ANXA11: variants seen among roughly 807,000 people sequenced by gnomAD.
The protein encoded by ANXA11 is annexin A11.
In ANXA11, 57 loss-of-function variants were observed where a neutral mutation model predicts 64.7. That is an observed-to-expected ratio of 0.88 (90% CI 0.71 to 1.10). The LOEUF (loss-of-function observed/expected upper bound fraction) is 1.10, where lower values mean the gene tolerates loss of function less well. Among genes scored for constraint, ANXA11 ranks in the 50% least tolerant of loss-of-function variants. The pLI is 0.00. For missense variants in ANXA11, 675 were observed against 670.7 expected, an observed-to-expected ratio of 1.01 and a Z score of -0.07; for synonymous variants, 260 against 265.2, an observed-to-expected ratio of 0.98 and a Z score of 0.19.
intron 1 of ANXA11, among the ~76,000 whole-genome samples, chr10:80,198,410 G>A (rs1231237413): frequency 6.6e-6 from 1 of 152,232 alleles, no homozygotes; most frequent in Non-Finnish European, 1.5e-5. Context: ...CCATGGGGAT[G>A]TGAAAGTGAG....
chr10:80,195,135 CG>C, intron 1 of ANXA11, among the ~76,000 whole-genome samples: 1 of 152,196 alleles, frequency 6.6e-6, no homozygotes, highest in Non-Finnish European at 1.5e-5. Flanking sequence ...AGCCAGTCCT[CG>C]GGGCCTGTTC....
chr10:80,184,181 A>T (rs1329387840), intron 1 of ANXA11, among the ~76,000 whole-genome samples: 1 of 152,172 alleles, frequency 6.6e-6, no homozygotes, highest in African/African-American at 2.4e-5. Flanking sequence ...CCCAGACATC[A>T]TATATTATTT....
intron 1 of ANXA11, among the ~76,000 whole-genome samples, chr10:80,191,745 C>T (rs1308246651): frequency 6.6e-6 from 1 of 152,198 alleles, no homozygotes; most frequent in East Asian, 1.9e-4. Flanking sequence ...TGTGGCCAGG[C>T]TACGCATGCC....
rs549659193 is a variant in ANXA11 at position 80,196,533 on chromosome 10, C to T, written c.-58+8810G>A. On this transcript the variant is annotated intron_variant, in intron 1 of 15. Coordinates refer to ENST00000422982, the MANE Select transcript of ANXA11 (RefSeq NM_145868.2). ...CACATCTAGGACATTCCCCTCTCTCCCCCACCTCAAGGCAGGACCTTAAGT... is the reference window on the plus strand; with the variant it reads ...CACATCTAGGACATTCCCCTCTCTCTCCCACCTCAAGGCAGGACCTTAAGT... 8.0e-4 allele frequency among the ~76,000 whole-genome samples: 122 copies of T among 152,318 alleles called. 1 individual carries two copies. The highest frequency in any genetic ancestry group is 1.8e-3 in the Admixed American group (28 of 15,304).
chr10:80,151,038 C>T lies in ANXA11; in HGVS notation c.*4815G>A, dbSNP rs189953645. Reference sequence around the variant, plus strand: ...ACTTGTGGAATTTCCTATTCCATTTCGTTGACCACATTAAAGTTTTAGAAG... The same window carrying T: ...ACTTGTGGAATTTCCTATTCCATTTTGTTGACCACATTAAAGTTTTAGAAG... On this transcript the variant is annotated 3_prime_UTR_variant, in exon 16 of 16. Transcript: ENST00000422982. 7.2e-5 allele frequency: 11 copies of T among 152,274 alleles called. No homozygotes were observed. In the East Asian group the frequency reaches 1.7e-3, roughly 24 times the overall value. 9.4% of individuals were successfully genotyped at this position (152,274 alleles called of 1,614,324 possible).
At chr10:80,155,948 A>C in intron 15 of ANXA11, 36 bp from the exon 16 acceptor site, 1 of 1,599,388 alleles carries the variant, frequency 6.3e-7, no homozygotes, top group Non-Finnish European at 8.6e-7. Context: ...CCGTTAAGGG[A>C]GGGACAGTCA....
At chr10:80,189,894 C>G (rs187245342) in intron 1 of ANXA11, among the ~76,000 whole-genome samples, 7 of 152,088 alleles carry the variant, frequency 4.6e-5, no homozygotes, top group Non-Finnish European at 1.0e-4. Context: ...AATGGATAAA[C>G]AAAACAAGAT....
intron 12 of ANXA11, among the ~76,000 whole-genome samples, chr10:80,161,539 C>T (rs1187421579): frequency 6.6e-6 from 1 of 152,268 alleles, no homozygotes; most frequent in Admixed American, 6.5e-5. Flanking sequence ...GCTCCACCAC[C>T]TGACAGACTG....
rs1845992367 is a variant in ANXA11 at position 80,171,940 on chromosome 10, C to T, written c.55+867G>A. ...GCTCAGCCCCTAACATGCCCTGGGA[C>T]AGCAGCTGAGCCACCTCTAGGTCTG... On this transcript the variant is annotated intron_variant, in intron 3 of 15. Coordinates refer to ENST00000422982, the MANE Select transcript of ANXA11 (RefSeq NM_145868.2). The T allele has an allele frequency of 5.1e-6, 5 of 984,834 alleles. No homozygotes were observed. The South Asian group carries it at 1.4e-4, about 28-fold the overall frequency. The allele number at this position is 984,834 out of a possible 1,614,324, so 61.0% of individuals were successfully genotyped here.
At chr10:80,204,765 G>A (rs1302172527) in intron 1 of ANXA11, 1 of 152,860 alleles carries the variant, frequency 6.5e-6, no homozygotes, top group African/African-American at 2.4e-5. Context: ...AAGGGGCGAA[G>A]GCACGCACAG....
chr10:80,158,885 C>T (rs1198453186), intron 13 of ANXA11, among the ~76,000 whole-genome samples: 4 of 152,234 alleles, frequency 2.6e-5, no homozygotes, highest in African/African-American at 9.6e-5. Context: ...ACCGCAAACA[C>T]ACACAAGACA....
At chr10:80,165,085 G>A (rs753931468) in intron 8 of ANXA11, among the ~76,000 whole-genome samples, 1 of 152,174 alleles carries the variant, frequency 6.6e-6, no homozygotes, top group African/African-American at 2.4e-5. Flanking sequence ...GGCTGAAGAC[G>A]GGGGCCAGGG....
At chr10:80,185,565 C>A (rs1168833463) in intron 1 of ANXA11, among the ~76,000 whole-genome samples, 2 of 152,216 alleles carry the variant, frequency 1.3e-5, no homozygotes, top group Non-Finnish European at 2.9e-5. Flanking sequence ...TAACTCTATC[C>A]TCAAATTTCC....
At chr10:80,171,892 C>G in intron 3 of ANXA11, 1 of 985,526 alleles carries the variant, frequency 1.0e-6, no homozygotes, top group Non-Finnish European at 1.2e-6. Context: ...CTGGGGTGGG[C>G]TCATTCAGAG....
chr10:80,159,081 G>T lies in ANXA11; in HGVS notation c.1276+19C>A. On this transcript the variant is annotated intron_variant, in intron 13 of 15. Coordinates refer to ENST00000422982, the MANE Select transcript of ANXA11 (RefSeq NM_145868.2). ...CACGTTAGCCCCTGGCAGGTGGGCG[G>T]CAAACCTGAGACACTTACCCACGGC... 6.2e-7 allele frequency: 1 copy of T among 1,605,244 alleles called. No homozygotes were observed. The highest frequency in any genetic ancestry group is 8.5e-7 in the Non-Finnish European group (1 of 1,172,488).
intron 1 of ANXA11, chr10:80,204,977 G>C (rs1466077320): frequency 6.6e-6 from 1 of 152,162 alleles, no homozygotes; most frequent in Non-Finnish European, 1.5e-5. Context: ...TGCGGGGCCG[G>C]GCCTCCGGCA....
chr10:80,169,140 G>A lies in ANXA11; in HGVS notation c.390C>T (p.Gly130=), dbSNP rs35694404. 8,445 of 1,554,128 alleles carry A rather than the reference G, an allele frequency of 5.4e-3. 395 individuals are homozygous for A. The African/African-American group carries it at 0.1, about 19-fold the overall frequency. ...YPPYPGAPVP[G]QPMPPPGQQP... is the part of the protein sequence containing the mutation. ...GCTGTCCGGGGGGTGGCATGGGCTGGCCCGGCACAGGGGCCCCTGGGTATG... is the reference window on the plus strand; with the variant it reads ...GCTGTCCGGGGGGTGGCATGGGCTGACCCGGCACAGGGGCCCCTGGGTATG... Residue 130 remains glycine (G), a synonymous_variant, in exon 5 of 16, where the codon GGC becomes GGT. Transcript: ENST00000422982.
intron 12 of ANXA11, among the ~76,000 whole-genome samples, chr10:80,160,315 A>C (rs559097482): frequency 6.6e-6 from 1 of 152,324 alleles, no homozygotes; most frequent in African/African-American, 2.4e-5. Context: ...GATAGTGCAG[A>C]GGTTAAAAAG....
chr10:80,187,305 G>A (rs1011735684), intron 1 of ANXA11, among the ~76,000 whole-genome samples: 5 of 152,202 alleles, frequency 3.3e-5, no homozygotes, highest in Non-Finnish European at 7.3e-5. Flanking sequence ...AGATCCCAGA[G>A]GGCCCAACCC....
Sources: allele counts gnomAD v4.1 joint callset (sites outside exome capture counted in the v4.1 genomes callset), GRCh38; gene constraint gnomAD v4.1.1; transcripts MANE v1.5; gene names NCBI Gene and HGNC (gene_info 2026-07-23, HGNC 2026-07-21).